LMBRD1: variants seen among roughly 807,000 people sequenced by gnomAD.
LMBRD1 encodes lysosomal cobalamin transport escort protein LMBD1.
LMBRD1 carries 64 observed loss-of-function variants against 74.8 expected under a neutral mutation model. The ratio of observed to expected loss-of-function variants is 0.86; its 90% CI spans 0.70 to 1.05. The LOEUF is 1.05. Ranked by LOEUF, LMBRD1 falls within the 50% of genes least tolerant of loss-of-function variation. The pLI is 0.00. For synonymous variants in LMBRD1, 204 were observed against 216.3 expected, an observed-to-expected ratio of 0.94 and a Z score of 0.50; for missense variants, 652 against 645.9, an observed-to-expected ratio of 1.01 and a Z score of -0.10.
At chr6:69,683,658 A>T (rs188800906) in intron 14 of LMBRD1, among the ~76,000 whole-genome samples, 20 of 152,212 alleles carry the variant, frequency 1.3e-4, no homozygotes, top group African/African-American at 3.6e-4. Flanking sequence ...CACAAAAAAA[A>T]TTTTAACCTG....
intron 3 of LMBRD1, among the ~76,000 whole-genome samples, chr6:69,761,056 G>A (rs940682979): frequency 1.3e-5 from 2 of 152,176 alleles, no homozygotes; most frequent in Non-Finnish European, 2.9e-5. Context: ...GTGAAATAAG[G>A]TTTGCTGTTT....
chr6:69,777,689 A>C (rs375433826), intron 3 of LMBRD1, among the ~76,000 whole-genome samples: 1 of 152,116 alleles, frequency 6.6e-6, no homozygotes, highest in African/African-American at 2.4e-5. Flanking sequence ...TACAAAAAAA[A>C]AAAGGGGGAG....
chr6:69,793,648 T>C (rs938123843), intron 1 of LMBRD1, among the ~76,000 whole-genome samples: 1 of 151,790 alleles, frequency 6.6e-6, no homozygotes, highest in Non-Finnish European at 1.5e-5. Flanking sequence ...CAATTCCTTA[T>C]GTGTGAAGAA....
At chr6:69,700,711 T>C in intron 12 of LMBRD1, 54 bp downstream of exon 12, 1 of 1,172,806 alleles carries the variant, frequency 8.5e-7, no homozygotes, top group Non-Finnish European at 1.2e-6. Flanking sequence ...TTTGTAATTA[T>C]GGAGATCACA....
intron 14 of LMBRD1, among the ~76,000 whole-genome samples, chr6:69,681,621 G>A (rs113900803): frequency 3.8e-4 from 3 of 7,964 alleles, no homozygotes; most frequent in Non-Finnish European, 4.1e-4. Flanking sequence ...CTTATTTTAC[G>A]TGTATATATA....
chr6:69,736,560 T>C (rs1397986795), intron 7 of LMBRD1, among the ~76,000 whole-genome samples: 3 of 152,234 alleles, frequency 2.0e-5, no homozygotes, highest in Non-Finnish European at 1.5e-5. Context: ...AGGTCCTTCA[T>C]AGTTCTTGAC....
At chr6:69,753,812 G>A (rs1476071866) in intron 3 of LMBRD1, among the ~76,000 whole-genome samples, 1 of 152,010 alleles carries the variant, frequency 6.6e-6, no homozygotes, top group Non-Finnish European at 1.5e-5. Flanking sequence ...GTGGTCGTGG[G>A]CACCTGTATT....
At chr6:69,774,626 A>T (rs3778243) in intron 3 of LMBRD1, among the ~76,000 whole-genome samples, 17,067 of 152,124 alleles carry the variant, frequency 0.11, 2,685 homozygotes, top group African/African-American at 0.35. Flanking sequence ...AATAAAAACA[A>T]ATTAGATAAA....
intron 14 of LMBRD1, among the ~76,000 whole-genome samples, chr6:69,696,332 T>G (rs974313232): frequency 3.3e-5 from 5 of 152,344 alleles, no homozygotes; most frequent in African/African-American, 1.2e-4. Context: ...CTAAGTGATT[T>G]CCATAGTCTG....
intron 1 of LMBRD1, among the ~76,000 whole-genome samples, chr6:69,791,855 C>T (rs1766094535): frequency 6.6e-6 from 1 of 152,180 alleles, no homozygotes; most frequent in East Asian, 1.9e-4. Context: ...TTTTCCATGA[C>T]TAGAGGCTAA....
chr6:69,766,715 T>C (rs529625984), intron 3 of LMBRD1, among the ~76,000 whole-genome samples: 40 of 151,818 alleles, frequency 2.6e-4, no homozygotes, highest in African/African-American at 9.4e-4. Context: ...TGATAAAGGA[T>C]TGGTATAATT....
intron 2 of LMBRD1, among the ~76,000 whole-genome samples, chr6:69,787,660 C>T (rs1483211390): frequency 6.6e-6 from 1 of 152,052 alleles, no homozygotes; most frequent in Non-Finnish European, 1.5e-5. Context: ...GCAGAAGAAT[C>T]GCTTGAACCC....
At chr6:69,747,072 A>C (rs531494123) in intron 5 of LMBRD1, among the ~76,000 whole-genome samples, 51 of 152,258 alleles carry the variant, frequency 3.3e-4, no homozygotes, top group African/African-American at 1.2e-3. Flanking sequence ...AAAAAAAAAA[A>C]AAACAAAATC....
intron 5 of LMBRD1, among the ~76,000 whole-genome samples, chr6:69,743,488 C>G (rs563520053): frequency 2.2e-3 from 331 of 152,022 alleles, no homozygotes; most frequent in Non-Finnish European, 3.5e-3. Context: ...TAGAGTAATA[C>G]CAGAGGGAAA....
chr6:69,768,592 T>A (rs1451401208), intron 3 of LMBRD1, among the ~76,000 whole-genome samples: 1 of 152,036 alleles, frequency 6.6e-6, no homozygotes, highest in East Asian at 1.9e-4. Flanking sequence ...CTTTATACAA[T>A]CTTAAATCTT....
intron 14 of LMBRD1, among the ~76,000 whole-genome samples, chr6:69,682,334 T>A (rs1330736274): frequency 6.6e-6 from 1 of 151,954 alleles, no homozygotes; most frequent in Admixed American, 6.6e-5. Flanking sequence ...ACACAAACTG[T>A]ATCAGGTTAA....
At chr6:69,685,571 C>G (rs1322846151) in intron 14 of LMBRD1, among the ~76,000 whole-genome samples, 1 of 152,066 alleles carries the variant, frequency 6.6e-6, no homozygotes, top group Admixed American at 6.6e-5. Flanking sequence ...GAGGCTGAGG[C>G]GGGCAGATCA....
At position 69,733,164 on chromosome 6, in the gene LMBRD1, T is replaced by C. The variant is rs183363677; in HGVS notation, c.636+4778A>G. Among the ~76,000 whole-genome samples, 299 of 152,262 alleles carry C rather than the reference T, an allele frequency of 2.0e-3. 1 individual carries two copies. The highest frequency in any genetic ancestry group is 7.0e-3 in the African/African-American group (290 of 41,564). ...CCTCAATACAAAAAAAAAATTCAGT[T>C]ACAAATTCCATAACAAACATGATTT... On this transcript the variant is annotated intron_variant, in intron 7 of 15. Transcript: ENST00000649934.
intron 2 of LMBRD1, among the ~76,000 whole-genome samples, chr6:69,782,910 AAT>A (rs1287877129): frequency 1.3e-5 from 2 of 152,200 alleles, no homozygotes; most frequent in African/African-American, 4.8e-5. Flanking sequence ...GGTCGTTTAA[AAT>A]ATTTTTTAAA....
Sources: gnomAD v4.1 joint callset for allele counts (sites outside exome capture counted in the v4.1 genomes callset) on GRCh38, gnomAD v4.1.1 for gene constraint, MANE v1.5 for transcripts, NCBI Gene and HGNC (gene_info 2026-07-23, HGNC 2026-07-21) for gene names.